The following PIBF1 variants were observed in gnomAD, a reference collection of about 807,000 sequenced individuals.
PIBF1 encodes progesterone immunomodulatory binding factor 1.
Under a neutral mutation model 112.5 loss-of-function variants are expected in PIBF1, and 90 were observed. That is an observed-to-expected ratio of 0.80 (90% CI 0.67 to 0.95). PIBF1 has a LOEUF of 0.95. Among genes scored for constraint, PIBF1 ranks in the 40% least tolerant of loss-of-function variants. The pLI is 0.00. For synonymous variants in PIBF1, 301 were observed against 288.6 expected (o/e 1.04, Z -0.44); for missense variants, 915 against 852.3 (o/e 1.07, Z -0.92).
chr13:72,943,361 C>G (rs2042062282), intron 14 of PIBF1, among the ~76,000 whole-genome samples: 1 of 152,068 alleles, frequency 6.6e-6, no homozygotes, highest in African/African-American at 2.4e-5. Flanking sequence ...TGAAATGTTC[C>G]TAATACAAAG....
At chr13:72,938,719 A>G (rs1045950241) in intron 14 of PIBF1, among the ~76,000 whole-genome samples, 3 of 152,194 alleles carry the variant, frequency 2.0e-5, no homozygotes, top group Admixed American at 1.3e-4. Flanking sequence ...TGGTAATTCT[A>G]TGATTCACTT....
chr13:72,958,463 G>T (rs891802279), intron 14 of PIBF1, among the ~76,000 whole-genome samples: 1 of 151,994 alleles, frequency 6.6e-6, no homozygotes, highest in Admixed American at 6.6e-5. Flanking sequence ...TCCTTACTTG[G>T]ACCATACTTT....
intron 14 of PIBF1, among the ~76,000 whole-genome samples, chr13:72,954,023 C>T (rs2042373942): frequency 6.6e-6 from 1 of 152,100 alleles, no homozygotes; most frequent in Non-Finnish European, 1.5e-5. Context: ...CAAGCAGTGT[C>T]CCCAGTGGGG....
At chr13:72,921,641 A>G (rs1343014828) in intron 13 of PIBF1, among the ~76,000 whole-genome samples, 1 of 152,162 alleles carries the variant, frequency 6.6e-6, no homozygotes, top group Non-Finnish European at 1.5e-5. Context: ...AATTTTTAGT[A>G]CTTCCATTTT....
rs192758142 is a variant in PIBF1, at chr13:72,971,425, A to G, written c.1965-2166A>G. On this transcript the variant is annotated intron_variant, in intron 15 of 17. Transcript: ENST00000326291. ...GTTAGAGAAACATGTGATCCTTACCATGCTTTGGAGACTCTAGCAGAACAT... is the reference window on the plus strand; with the variant it reads ...GTTAGAGAAACATGTGATCCTTACCGTGCTTTGGAGACTCTAGCAGAACAT... Among the ~76,000 whole-genome samples, 181 of 152,308 alleles carry G rather than the reference A, an allele frequency of 1.2e-3. 1 individual carries two copies. Among genetic ancestry groups the G allele is most frequent in the African/African-American group, 4.2e-3 (173 of 41,562 alleles).
At chr13:72,822,101 A>G (rs1593976723) in intron 6 of PIBF1, 119 bp downstream of exon 6, 4 of 845,236 alleles carry the variant, frequency 4.7e-6, no homozygotes, top group South Asian at 4.6e-5. Context: ...TCTTTGCACA[A>G]ATGCATGCAG....
At chr13:72,987,868 T>A (rs1293343693) in intron 16 of PIBF1, among the ~76,000 whole-genome samples, 29 of 106,520 alleles carry the variant, frequency 2.7e-4, no homozygotes, top group South Asian at 5.8e-4. Flanking sequence ...ATTTTTTTTT[T>A]TTTTTTTTTT....
chr13:72,965,440 A>G, intron 15 of PIBF1, 36 bp downstream of exon 15: 9 of 1,549,358 alleles, frequency 5.8e-6, no homozygotes, highest in Non-Finnish European at 7.9e-6. Flanking sequence ...TGAATAATAA[A>G]GACATTGTTA....
chr13:72,807,613 C>T lies in PIBF1; in HGVS notation c.672+9587C>T, dbSNP rs1593935642. Among the ~76,000 whole-genome samples, 4 of 152,112 alleles carry T rather than the reference C, an allele frequency of 2.6e-5. 1 individual carries two copies. The highest frequency in any genetic ancestry group is 4.4e-5 in the Non-Finnish European group (3 of 67,994). ...TAATACATTTATTGATGAGGAAGCA[C>T]AAAGTATAATCTCAAGTTTGTAGAC... On this transcript the variant is annotated intron_variant, in intron 5 of 17. Transcript: ENST00000326291.
intron 16 of PIBF1, among the ~76,000 whole-genome samples, chr13:72,983,310 A>T (rs1369799143): frequency 1.3e-5 from 2 of 152,178 alleles, no homozygotes; most frequent in African/African-American, 4.8e-5. Flanking sequence ...AGAAAAAAGA[A>T]AAATTTGTTT....
chr13:72,926,820 T>C (rs544840300), intron 13 of PIBF1, among the ~76,000 whole-genome samples: 54 of 152,330 alleles, frequency 3.5e-4, no homozygotes, highest in African/African-American at 1.2e-3. Flanking sequence ...GTATGCCTTT[T>C]CTTAGCATTT....
intron 5 of PIBF1, among the ~76,000 whole-genome samples, chr13:72,806,441 G>C (rs539050688): frequency 6.6e-6 from 1 of 151,804 alleles, no homozygotes; most frequent in Non-Finnish European, 1.5e-5. Context: ...GTGTTACGTA[G>C]GTATACTCCT....
chr13:72,792,578 A>AAAAGGACC, intron 3 of PIBF1, 31 bp downstream of exon 3: 1 of 1,118,644 alleles, frequency 8.9e-7, no homozygotes, highest in Non-Finnish European at 1.3e-6. Context: ...AAAAAAAACA[A>AAAAGGACC]CATCTATTTA....
Position 72,783,524 on chromosome 13 carries a change from G to A in PIBF1, c.55G>A (p.Glu19Lys). Residue 19 changes from glutamate to lysine, a missense_variant, in exon 2 of 18, where the codon GAA (glutamate) becomes AAA (lysine). Physicochemically the swap from Glu to Lys is moderately conservative, Grantham distance 56. Coordinates refer to ENST00000326291, the MANE Select transcript of PIBF1 (RefSeq NM_006346.4). ...AAAAGTGAACATCTCTAGTTCTCTG[G>A]AATCTGAAGATATTAGTTTAGAAAC... ...SKKVNISSSLESEDISLETTV... is the reference protein window; with the variant it reads ...SKKVNISSSLKSEDISLETTV... 2 of 1,612,940 alleles carry A rather than the reference G, an allele frequency of 1.2e-6. No individual in the cohort carries two copies. The highest frequency in any genetic ancestry group is 1.7e-6 in the Non-Finnish European group (2 of 1,179,004).
intron 14 of PIBF1, among the ~76,000 whole-genome samples, chr13:72,939,753 T>G (rs1240366315): frequency 6.6e-6 from 1 of 152,168 alleles, no homozygotes; most frequent in Non-Finnish European, 1.5e-5. Context: ...TACCTGGGAA[T>G]GGATTTGCTG....
chr13:72,905,065 A>G (rs1404761621), intron 11 of PIBF1, among the ~76,000 whole-genome samples: 1 of 111,520 alleles, frequency 9.0e-6, no homozygotes, highest in African/African-American at 3.9e-5. Context: ...TAAATCCCAT[A>G]CTTTTTTTTT....
intron 5 of PIBF1, among the ~76,000 whole-genome samples, chr13:72,804,413 T>C (rs1248276427): frequency 6.6e-6 from 1 of 152,214 alleles, no homozygotes; most frequent in African/African-American, 2.4e-5. Flanking sequence ...TAAGTATGAT[T>C]GGAAGACAAA....
intron 12 of PIBF1, 28 bp downstream of exon 12, chr13:72,908,709 CAACT>C: frequency 6.4e-7 from 1 of 1,573,714 alleles, no homozygotes; most frequent in Non-Finnish European, 8.6e-7. Flanking sequence ...CACACATGCA[CAACT>C]TTTTTTTTTC....
At chr13:72,845,506 T>C (rs2037829203) in intron 9 of PIBF1, among the ~76,000 whole-genome samples, 1 of 152,142 alleles carries the variant, frequency 6.6e-6, no homozygotes, top group African/African-American at 2.4e-5. Flanking sequence ...AGTAGAGTGA[T>C]TTATAGTCCT....
Sources: gnomAD v4.1 joint callset for allele counts (sites outside exome capture counted in the v4.1 genomes callset) on GRCh38, gnomAD v4.1.1 for gene constraint, MANE v1.5 for transcripts, NCBI Gene and HGNC (gene_info 2026-07-23, HGNC 2026-07-21) for gene names.